The following MFNG variants were observed in gnomAD, a reference collection of about 807,000 sequenced individuals.
MFNG encodes beta-1,3-N-acetylglucosaminyltransferase manic fringe.
MFNG carries 24 observed loss-of-function variants against 34.2 expected under a neutral mutation model. The ratio of observed to expected loss-of-function variants is 0.70; its 90% CI spans 0.51 to 0.99. The LOEUF (loss-of-function observed/expected upper bound fraction) is 0.99, where lower values mean the gene tolerates loss of function less well. Ranked by LOEUF, MFNG falls within the 50% of genes least tolerant of loss-of-function variation. The pLI is 0.00. For missense variants in MFNG, 383 were observed against 424.0 expected, an observed-to-expected ratio of 0.90 and a Z score of 0.85; for synonymous variants, 158 against 179.2, an observed-to-expected ratio of 0.88 and a Z score of 0.94.
intron 6 of MFNG, among the ~76,000 whole-genome samples, chr22:37,473,911 G>A (rs1298693709): frequency 6.6e-6 from 1 of 152,252 alleles, no homozygotes; most frequent in African/African-American, 2.4e-5. Flanking sequence ...ACCATCTACA[G>A]TGTCAGAGGG....
Position 37,480,724 on chromosome 22 carries a change from G to A in MFNG, c.301C>T (p.Leu101=). 1.2e-6 allele frequency: 2 copies of A among 1,613,602 alleles called. No individual in the cohort carries two copies. Among genetic ancestry groups the A allele is most frequent in the Non-Finnish European group, 1.7e-6 (2 of 1,179,778 alleles). The change falls in exon 2 of 8, where the codon CTG becomes TTG. Residue 101 remains leucine (L), a synonymous_variant. Transcript: ENST00000356998. The part of the protein sequence containing the change: ...DSPDKGLQER[L]GSHLVVTNCS... ...CACCCAGGCCGGGCAGAGTTACCCA[G>A]TCTCTCCTGGAGGCCTTTGTCTGGG... is the stretch of plus-strand genomic sequence containing the variant.
intron 4 of MFNG, 132 bp from the exon 5 acceptor site, chr22:37,477,113 G>T: frequency 1.4e-6 from 1 of 721,444 alleles, no homozygotes; most frequent in Non-Finnish European, 2.4e-6. Flanking sequence ...CTAGAGTCTT[G>T]CTACAACCTG....
chr22:37,486,251 G>C lies in MFNG; in HGVS notation c.-74C>G, dbSNP rs1922552416. 7.0e-7 allele frequency: 1 copy of C among 1,429,038 alleles called. No homozygotes were observed. Among genetic ancestry groups the C allele is most frequent in the African/African-American group, 1.4e-5 (1 of 69,732 alleles). The allele number at this position is 1,429,038 out of a possible 1,614,324, so 88.5% of individuals were successfully genotyped here. ...ACAGGGAGGGGAAGCTGGTCAGGCA[G>C]GGGCTCCAGCAGAGGCAAAAGTCTG... On this transcript the variant is annotated 5_prime_UTR_variant, in exon 1 of 8. Transcript: ENST00000356998.
Position 37,483,704 on chromosome 22 carries a change from C to T in MFNG, c.255+2219G>A, listed in dbSNP as rs1231056308. ...CTGAGGATCACTTGAAACCAGGAGG[C>T]GGAGGTTGCAGTGAGCCAGGATCGT... On this transcript the variant is annotated intron_variant, in intron 1 of 7. Coordinates refer to ENST00000356998, the MANE Select transcript of MFNG (RefSeq NM_002405.4). The surrounding 1 kb of genome is among the most constrained non-coding windows in gnomAD (Gnocchi z 4.5). Among the ~76,000 whole-genome samples the T allele has an allele frequency of 6.6e-6, 1 of 151,988 alleles. No individual in the cohort carries two copies. Among genetic ancestry groups the T allele is most frequent in the Non-Finnish European group, 1.5e-5 (1 of 68,014 alleles).
In MFNG at chr22:37,485,268, G is replaced by A. The variant is rs570878025; in HGVS notation, c.255+655C>T. Among the ~76,000 whole-genome samples the A allele has an allele frequency of 5.3e-5, 8 of 152,218 alleles. No homozygotes were observed. The South Asian group carries it at 1.0e-3, about 20-fold the overall frequency. The stretch of plus-strand genomic sequence containing the variant: ...CACCACTGCCTCAGCCGCCACCCTC[G>A]TGGCATGCGCTCTCCTTCCCTCCCT... On this transcript the variant is annotated intron_variant, in intron 1 of 7. Transcript: ENST00000356998. This position sits in a 1 kb window ranked among gnomAD's most constrained non-coding sequence, Gnocchi z 5.3.
rs1265318706 is a variant in MFNG, at chr22:37,469,843, C to T, written c.*120G>A. ...ACTCAGATCCTGGGCTTGCCAACCA[C>T]CCGAAGGCCCTGCCAGGGACTGCCT... is the stretch of plus-strand genomic sequence containing the variant. On this transcript the variant is annotated 3_prime_UTR_variant, in exon 8 of 8. Transcript: ENST00000356998. The T allele has an allele frequency of 1.2e-6, 1 of 853,430 alleles. No homozygotes were observed. 52.9% of individuals were successfully genotyped at this position (853,430 alleles called of 1,614,324 possible).
In MFNG at chr22:37,476,228, C is replaced by T. The variant is rs150777984; in HGVS notation, c.647+668G>A. On this transcript the variant is annotated intron_variant, in intron 5 of 7. Coordinates refer to ENST00000356998, the MANE Select transcript of MFNG (RefSeq NM_002405.4). ...GGAAAGACCTCCAGAAGCCAGGCCT[C>T]GCCACTTCTAGAACACCTGTGTCCC... Among the ~76,000 whole-genome samples the T allele has an allele frequency of 5.3e-4, 80 of 152,128 alleles. 1 individual carries two copies. Among genetic ancestry groups the T allele is most frequent in the African/African-American group, 1.9e-3 (78 of 41,464 alleles).
At position 37,476,533 on chromosome 22, in the gene MFNG, T is replaced by C. The variant is rs576146237; in HGVS notation, c.647+363A>G. ...TTTGGCCTTCACCTCCCCTACGGCA[T>C]TGACCAGTCAGAAAAGGGCGGTAAA... On this transcript the variant is annotated intron_variant, in intron 5 of 7. Coordinates refer to ENST00000356998, the MANE Select transcript of MFNG (RefSeq NM_002405.4). Among the ~76,000 whole-genome samples, 6 of 152,194 alleles carry C rather than the reference T, an allele frequency of 3.9e-5. No individual in the cohort carries two copies. In the South Asian group the frequency reaches 1.2e-3, roughly 32 times the overall value.
chr22:37,485,828 A>G lies in MFNG; in HGVS notation c.255+95T>C, dbSNP rs1025422033. On this transcript the variant is annotated intron_variant, in intron 1 of 7. Coordinates refer to ENST00000356998, the MANE Select transcript of MFNG (RefSeq NM_002405.4). The surrounding 1 kb of genome is among the most constrained non-coding windows in gnomAD (Gnocchi z 5.3). ...AGGCAGGTATTGAGCAGCTTCTCCC[A>G]TGAGGCAGTCAGGGACCCCAGCCCA... The G allele has an allele frequency of 7.0e-7, 1 of 1,422,402 alleles. No homozygotes were observed. The highest frequency in any genetic ancestry group is 2.4e-5 in the Admixed American group (1 of 41,262). 88.1% of individuals were successfully genotyped at this position (1,422,402 alleles called of 1,614,324 possible).
rs370756546 is a variant in MFNG at position 37,486,365 on chromosome 22, C to T, written c.-188G>A. 5.0e-5 allele frequency: 26 copies of T among 523,218 alleles called. No homozygotes were observed. The highest frequency in any genetic ancestry group is 4.3e-4 in the African/African-American group (22 of 50,886). The allele number at this position is 523,218 out of a possible 1,614,324, so 32.4% of individuals were successfully genotyped here. A position where few individuals can be genotyped will look rare whatever the true frequency, so the allele number is the denominator to read the frequency against. On this transcript the variant is annotated 5_prime_UTR_variant, in exon 1 of 8. Coordinates refer to ENST00000356998, the MANE Select transcript of MFNG (RefSeq NM_002405.4). ...AGCCATGGCAGCACGATCTCGACCG[C>T]CGCCAGTCCTCCACCTGCTCCCGCT...
chr22:37,480,338 T>A (rs748446147), intron 2 of MFNG, 39 bp from the exon 3 acceptor site: 1 of 1,535,346 alleles, frequency 6.5e-7, no homozygotes. Context: ...CCTGCCCAGG[T>A]CCCCCCTTCA....
rs1048785771 is a variant in MFNG at position 37,483,825 on chromosome 22, C to T, written c.255+2098G>A. On this transcript the variant is annotated intron_variant, in intron 1 of 7. Coordinates refer to ENST00000356998, the MANE Select transcript of MFNG (RefSeq NM_002405.4). This position sits in a 1 kb window ranked among gnomAD's most constrained non-coding sequence, Gnocchi z 4.5. The stretch of plus-strand genomic sequence containing the variant: ...CCATGAACAGAGTGAGGGAGAGAGC[C>T]GGGAAGGGGAGTCCAGGTCCAGAGG... Among the ~76,000 whole-genome samples the T allele has an allele frequency of 1.3e-5, 2 of 151,872 alleles. No individual in the cohort carries two copies. The highest frequency in any genetic ancestry group is 6.6e-5 in the Admixed American group (1 of 15,236).
intron 5 of MFNG, among the ~76,000 whole-genome samples, chr22:37,475,292 C>T (rs535622257): frequency 6.6e-6 from 1 of 152,254 alleles, no homozygotes; most frequent in East Asian, 1.9e-4. Flanking sequence ...GGTGCAATCT[C>T]GGCTCACTGC....
chr22:37,480,256 G>A lies in MFNG; in HGVS notation c.348C>T (p.His116=). 3 of 1,613,802 alleles carry A rather than the reference G, an allele frequency of 1.9e-6. No individual in the cohort carries two copies. Among genetic ancestry groups the A allele is most frequent in the Non-Finnish European group, 1.7e-6 (2 of 1,179,688 alleles). Residue 116 remains histidine, a synonymous_variant, in exon 3 of 8, where the codon CAC becomes CAT. Coordinates refer to ENST00000356998, the MANE Select transcript of MFNG (RefSeq NM_002405.4). ...CAGCCATCTTGCAGGACAGAGCTGG[G>A]TGGCTGTGTTCCGCGGAGCAGTTGG... is the stretch of plus-strand genomic sequence containing the variant. ...VVTNCSAEHS[H]PALSCKMAAE...
chr22:37,481,703 C>T (rs943731166), intron 1 of MFNG, among the ~76,000 whole-genome samples: 30 of 152,328 alleles, frequency 2.0e-4, no homozygotes, highest in African/African-American at 7.0e-4. Context: ...AGGGCCTCCC[C>T]GGCCCTGGGA....
chr22:37,473,577 C>G (rs1240470315), intron 6 of MFNG, among the ~76,000 whole-genome samples: 5 of 152,206 alleles, frequency 3.3e-5, no homozygotes, highest in Non-Finnish European at 5.9e-5. Context: ...TGGGACCAAC[C>G]TCACACCCCA....
Position 37,478,903 on chromosome 22 carries a change from T to C in MFNG, c.561+442A>G, listed in dbSNP as rs191853618. Among the ~76,000 whole-genome samples, 751 of 152,262 alleles carry C rather than the reference T, an allele frequency of 4.9e-3. 3 individuals carry two copies. The highest frequency in any genetic ancestry group is 8.0e-3 in the Non-Finnish European group (544 of 68,010). On this transcript the variant is annotated intron_variant, in intron 4 of 7. Coordinates refer to ENST00000356998, the MANE Select transcript of MFNG (RefSeq NM_002405.4). ...CATATTGGTCAGGCTGGTCTCGAAC[T>C]CTTGACCTCAGGTCACCCACCCACC...
rs1436637981 is a variant in MFNG at position 37,485,334 on chromosome 22, T to C, written c.255+589A>G. Among the ~76,000 whole-genome samples, 4 of 152,148 alleles carry C rather than the reference T, an allele frequency of 2.6e-5. No homozygotes were observed. The highest frequency in any genetic ancestry group is 2.1e-4 in the South Asian group (1 of 4,832). ...GGAAGCCAACACAGGAGGCCAGACA[T>C]GGCGGCCTCGGCACACCCGGGGCAG... On this transcript the variant is annotated intron_variant, in intron 1 of 7. Transcript: ENST00000356998. This position sits in a 1 kb window ranked among gnomAD's most constrained non-coding sequence, Gnocchi z 5.3.
chr22:37,485,171 C>G lies in MFNG; in HGVS notation c.255+752G>C, dbSNP rs1273905957. Among the ~76,000 whole-genome samples the G allele has an allele frequency of 1.3e-5, 2 of 151,388 alleles. No homozygotes were observed. The highest frequency in any genetic ancestry group is 4.9e-5 in the African/African-American group (2 of 41,114). ...CACACACATCTAGCACACTCCAGCT[C>G]CGTGCGTGTGAGCACACACACACAC... is the stretch of plus-strand genomic sequence containing the variant. On this transcript the variant is annotated intron_variant, in intron 1 of 7. Transcript: ENST00000356998. The surrounding 1 kb of genome is among the most constrained non-coding windows in gnomAD (Gnocchi z 5.3).
Sources: gnomAD v4.1 joint callset for allele counts (sites outside exome capture counted in the v4.1 genomes callset) on GRCh38, gnomAD v4.1.1 for gene constraint, Gnocchi (gnomAD v3.1) non-coding constraint, MANE v1.5 for transcripts, NCBI Gene and HGNC (gene_info 2026-07-23, HGNC 2026-07-21) for gene names.